Variants in SNX29 observed in about 807,000 individuals in gnomAD.
SNX29 encodes sorting nexin-29.
Under a neutral mutation model 102.1 loss-of-function variants are expected in SNX29, and 78 were observed. That is an observed-to-expected ratio of 0.76 (90% CI 0.64 to 0.92). The LOEUF is 0.92. Among genes scored for constraint, SNX29 ranks in the 40% least tolerant of loss-of-function variants. The pLI is 0.00. For missense variants in SNX29, 1,280 were observed against 1,061.7 expected (o/e 1.21, Z -2.86); for synonymous variants, 580 against 414.5 (o/e 1.40, Z -4.85).
At chr16:12,009,459 A>ATATGTG (rs1555517745) in intron 3 of SNX29, among the ~76,000 whole-genome samples, 1 of 148,982 alleles carries the variant, frequency 6.7e-6, no homozygotes, top group African/African-American at 2.5e-5. Context: ...GTGTGTATAT[A>ATATGTG]TGTGTGTGTG....
chr16:12,452,715 A>C (rs1391568210), intron 18 of SNX29, among the ~76,000 whole-genome samples: 1 of 152,002 alleles, frequency 6.6e-6, no homozygotes, highest in African/African-American at 2.4e-5. Flanking sequence ...GACCCCTCCA[A>C]ATGTGAGGTC....
chr16:12,398,385 A>T lies in SNX29; in HGVS notation c.1900-61A>T, dbSNP rs552344997. 11 of 1,558,380 alleles carry T rather than the reference A, an allele frequency of 7.1e-6. No individual in the cohort carries two copies. The South Asian group carries it at 1.2e-4, about 17-fold the overall frequency. The stretch of plus-strand genomic sequence containing the variant: ...TGAGAGGCAGAATTCTTCTGTGATT[A>T]TGCAAACCATGGTAACCATTATGCA... On this transcript the variant is annotated intron_variant, in intron 16 of 20. Transcript: ENST00000566228.
intron 15 of SNX29, among the ~76,000 whole-genome samples, chr16:12,296,733 G>C (rs1413594639): frequency 1.3e-5 from 2 of 152,200 alleles, no homozygotes; most frequent in African/African-American, 4.8e-5. Context: ...CTGCTGTTTT[G>C]AGTGCCAGTC....
intron 13 of SNX29, among the ~76,000 whole-genome samples, chr16:12,191,372 C>T (rs2141902876): frequency 6.6e-6 from 1 of 152,254 alleles, no homozygotes; most frequent in African/African-American, 2.4e-5. Context: ...GCTTGTGAGT[C>T]CCAGCTCTGC....
At chr16:12,146,754 A>G (rs2055081967) in intron 13 of SNX29, among the ~76,000 whole-genome samples, 2 of 152,248 alleles carry the variant, frequency 1.3e-5, no homozygotes, top group African/African-American at 2.4e-5. Context: ...GGGATTAATG[A>G]TGTGGGACTC....
intron 12 of SNX29, among the ~76,000 whole-genome samples, chr16:12,127,646 T>A (rs770841853): frequency 4.6e-5 from 7 of 152,172 alleles, no homozygotes; most frequent in Non-Finnish European, 1.0e-4. Flanking sequence ...GGTCTTGAAC[T>A]TCTGAGCTTC....
chr16:12,123,374 G>A (rs2054061759), intron 11 of SNX29, among the ~76,000 whole-genome samples: 1 of 152,116 alleles, frequency 6.6e-6, no homozygotes, highest in Non-Finnish European at 1.5e-5. Flanking sequence ...GCTGTCATGA[G>A]ATCTGCAGAA....
chr16:12,037,382 G>C (rs973450975), intron 4 of SNX29, among the ~76,000 whole-genome samples: 3 of 152,154 alleles, frequency 2.0e-5, no homozygotes, highest in African/African-American at 4.8e-5. Flanking sequence ...TGTGCGAAGA[G>C]ACCCTGTGGT....
At chr16:12,396,239 G>A (rs1156345424) in intron 16 of SNX29, among the ~76,000 whole-genome samples, 1 of 152,082 alleles carries the variant, frequency 6.6e-6, no homozygotes, top group Non-Finnish European at 1.5e-5. Flanking sequence ...CTTTGTTTTC[G>A]ATAATTGTAG....
intron 3 of SNX29, among the ~76,000 whole-genome samples, chr16:12,018,420 TA>T (rs376957836): frequency 1.8e-3 from 252 of 141,198 alleles, no homozygotes; most frequent in Middle Eastern, 3.6e-3. Flanking sequence ...TACTAAAAAT[TA>T]AAAAAAAAAA....
intron 14 of SNX29, among the ~76,000 whole-genome samples, chr16:12,261,852 G>A (rs112147763): frequency 0.016 from 2,085 of 133,484 alleles, 187 homozygotes; most frequent in African/African-American, 0.064. Flanking sequence ...CGGTCTGTGC[G>A]TGCATCCCTG....
At chr16:12,503,544 G>C (rs972023013) in intron 19 of SNX29, among the ~76,000 whole-genome samples, 3 of 152,164 alleles carry the variant, frequency 2.0e-5, no homozygotes, top group Admixed American at 6.5e-5. Flanking sequence ...GAGAAGCTGA[G>C]GAAAACTCCT....
chr16:12,541,981 T>C lies in SNX29; in HGVS notation c.2318+17140T>C, dbSNP rs550521484. Among the ~76,000 whole-genome samples, 12 of 152,308 alleles carry C rather than the reference T, an allele frequency of 7.9e-5. No homozygotes were observed. In the East Asian group the frequency reaches 2.3e-3, roughly 29 times the overall value. On this transcript the variant is annotated intron_variant, in intron 20 of 20. Coordinates refer to ENST00000566228, the MANE Select transcript of SNX29 (RefSeq NM_032167.5). ...GGATCCACTTCAGAGACTTGGCTTG[T>C]CTTATGAGTCCAGAAGGGCTCACGT...
At chr16:12,267,252 G>GTGTGTGTC (rs1156981639) in intron 14 of SNX29, among the ~76,000 whole-genome samples, 3 of 152,012 alleles carry the variant, frequency 2.0e-5, no homozygotes, top group Non-Finnish European at 2.9e-5. Context: ...GCGAGTGTGT[G>GTGTGTGTC]TGTGTGTGTA....
At chr16:12,232,241 G>C (rs997914460) in intron 14 of SNX29, among the ~76,000 whole-genome samples, 1 of 152,200 alleles carries the variant, frequency 6.6e-6, no homozygotes, top group African/African-American at 2.4e-5. Context: ...TTAAATGCTT[G>C]AATTGGCTGG....
chr16:12,364,105 G>C (rs376940132), intron 16 of SNX29, among the ~76,000 whole-genome samples: 1 of 152,040 alleles, frequency 6.6e-6, no homozygotes, highest in Non-Finnish European at 1.5e-5. Context: ...CAATCCTCCT[G>C]CCTCAGTCTC....
At chr16:12,209,149 G>C (rs34908925) in intron 14 of SNX29, among the ~76,000 whole-genome samples, 1 of 152,204 alleles carries the variant, frequency 6.6e-6, no homozygotes, top group East Asian at 1.9e-4. Flanking sequence ...GGGGCAAGCA[G>C]GTATTCCCTG....
At chr16:12,131,350 C>T (rs1242847987) in intron 13 of SNX29, among the ~76,000 whole-genome samples, 1 of 152,200 alleles carries the variant, frequency 6.6e-6, no homozygotes, top group Non-Finnish European at 1.5e-5. Context: ...CCCCAGATCC[C>T]AACTTACATG....
chr16:12,366,277 C>A (rs1473929376), intron 16 of SNX29, among the ~76,000 whole-genome samples: 1 of 152,078 alleles, frequency 6.6e-6, no homozygotes, highest in Non-Finnish European at 1.5e-5. Context: ...GCAGCATTTC[C>A]CAAAATTATT....
Sources: gnomAD v4.1 joint callset for allele counts (sites outside exome capture counted in the v4.1 genomes callset) on GRCh38, gnomAD v4.1.1 for gene constraint, MANE v1.5 for transcripts, NCBI Gene and HGNC (gene_info 2026-07-23, HGNC 2026-07-21) for gene names.